Variants in WDR7 observed in about 807,000 individuals in gnomAD.
The protein encoded by WDR7 is WD repeat-containing protein 7.
A neutral mutation model predicts 169.4 loss-of-function variants in WDR7; 46 were observed. That is an observed-to-expected ratio of 0.27 (90% CI 0.21 to 0.35). The LOEUF is 0.35. WDR7 is among the 10% of genes least tolerant of loss of function. The pLI, the probability that WDR7 is intolerant of heterozygous loss-of-function variation, is 1.00. For synonymous variants in WDR7, 612 were observed against 666.8 expected (o/e 0.92, Z 1.27); for missense variants, 1,534 against 1,859.3 (o/e 0.83, Z 3.22).
chr18:56,911,090 G>A (rs2046545835), intron 21 of WDR7, among the ~76,000 whole-genome samples: 1 of 152,102 alleles, frequency 6.6e-6, no homozygotes, highest in African/African-American at 2.4e-5. Flanking sequence ...CCAGAATTCT[G>A]AGCGTGGGCT....
intron 22 of WDR7, among the ~76,000 whole-genome samples, chr18:56,928,744 A>G (rs1224246867): frequency 7.2e-5 from 11 of 152,192 alleles, no homozygotes; most frequent in African/African-American, 2.4e-5. Context: ...AATAGGCATT[A>G]TCATCCCCAC....
chr18:56,959,388 A>C (rs1424482929), intron 25 of WDR7, among the ~76,000 whole-genome samples: 1 of 152,198 alleles, frequency 6.6e-6, no homozygotes, highest in Non-Finnish European at 1.5e-5. Flanking sequence ...TGACCACCTC[A>C]GCTCCAGCAA....
chr18:56,959,509 G>A (rs927779293), intron 25 of WDR7, among the ~76,000 whole-genome samples: 1 of 152,140 alleles, frequency 6.6e-6, no homozygotes, highest in Non-Finnish European at 1.5e-5. Flanking sequence ...TAGCAGAGGA[G>A]AACTGTTGTT....
Position 56,696,403 on chromosome 18 carries a change from A to G in WDR7, c.1519A>G (p.Ile507Val), listed in dbSNP as rs1462865110. 6.2e-7 allele frequency: 1 copy of G among 1,614,166 alleles called. No homozygotes were observed. Among genetic ancestry groups the G allele is most frequent in the Middle Eastern group, 1.7e-4 (1 of 6,058 alleles). ...WDIFSGEMKH[I>V]FCVHGGEITQ... is the part of the protein sequence containing the mutation. ...CATATTTTCTGGAGAAATGAAACAT[A>G]TCTTCTGTGTTCATGGTGGTGAGAT... Residue 507 changes from isoleucine to valine, a missense_variant, in exon 12 of 28, where the codon ATC becomes GTC. Coordinates refer to ENST00000254442, the MANE Select transcript of WDR7 (RefSeq NM_015285.3).
chr18:56,997,786 A>C (rs1482010319), intron 26 of WDR7, among the ~76,000 whole-genome samples: 1 of 152,256 alleles, frequency 6.6e-6, no homozygotes, highest in Non-Finnish European at 1.5e-5. Flanking sequence ...ATAGCGGCCT[A>C]TAACAGTGGG....
At chr18:56,855,634 G>GT (rs1397525300) in intron 20 of WDR7, among the ~76,000 whole-genome samples, 1 of 151,838 alleles carries the variant, frequency 6.6e-6, no homozygotes, top group Non-Finnish European at 1.5e-5. Flanking sequence ...ACCCTGGGGG[G>GT]TTTTTGCTTA....
chr18:56,931,013 C>T (rs952777038), intron 22 of WDR7, among the ~76,000 whole-genome samples: 6 of 152,266 alleles, frequency 3.9e-5, no homozygotes, highest in Admixed American at 3.3e-4. Context: ...GCTCAGGCTG[C>T]GTGGACTATT....
intron 12 of WDR7, among the ~76,000 whole-genome samples, chr18:56,712,773 G>A (rs1376501894): frequency 6.6e-6 from 1 of 152,194 alleles, no homozygotes; most frequent in Non-Finnish European, 1.5e-5. Flanking sequence ...CATTCTTTAA[G>A]TCAGTTGATA....
rs560100676 is a variant in WDR7, at chr18:56,710,283, G to A, written c.1579-7681G>A. Among the ~76,000 whole-genome samples, 205 of 152,188 alleles carry A rather than the reference G, an allele frequency of 1.3e-3. 1 individual carries two copies. Among genetic ancestry groups the A allele is most frequent in the African/African-American group, 4.8e-3 (198 of 41,522 alleles). On this transcript the variant is annotated intron_variant, in intron 12 of 27. Transcript: ENST00000254442. ...CTCCCAAAGTGCTGGGATTACAGGCGTGAGCCACCGTGCCTGGCCAATTAA... is the reference window on the plus strand; with the variant it reads ...CTCCCAAAGTGCTGGGATTACAGGCATGAGCCACCGTGCCTGGCCAATTAA...
chr18:56,762,444 TC>T (rs1383960383), intron 16 of WDR7, among the ~76,000 whole-genome samples: 19 of 152,034 alleles, frequency 1.2e-4, no homozygotes, highest in Admixed American at 1.2e-3. Flanking sequence ...AATTCTGGGT[TC>T]AACTTATCTC....
At chr18:56,749,591 C>G (rs1250813484) in intron 14 of WDR7, among the ~76,000 whole-genome samples, 1 of 151,752 alleles carries the variant, frequency 6.6e-6, no homozygotes, top group Non-Finnish European at 1.5e-5. Context: ...ACAATAGGAA[C>G]CATTTGATAT....
chr18:56,883,167 G>A lies in WDR7; in HGVS notation c.3526+3002G>A, dbSNP rs182699069. Reference sequence around the variant, plus strand: ...GGAGCTTGCAGTGAGCCGAGGTGGCGCCACTGCCCTCCAGCCTGGGCGACA... The same window carrying A: ...GGAGCTTGCAGTGAGCCGAGGTGGCACCACTGCCCTCCAGCCTGGGCGACA... On this transcript the variant is annotated intron_variant, in intron 21 of 27. Coordinates refer to ENST00000254442, the MANE Select transcript of WDR7 (RefSeq NM_015285.3). Among the ~76,000 whole-genome samples, 1,041 of 145,130 alleles carry A rather than the reference G, an allele frequency of 7.2e-3. 17 individuals carry two copies. The highest frequency in any genetic ancestry group is 0.024 in the African/African-American group (951 of 38,886).
chr18:56,964,589 T>C (rs553021771), intron 26 of WDR7, among the ~76,000 whole-genome samples: 1 of 152,234 alleles, frequency 6.6e-6, no homozygotes, highest in East Asian at 1.9e-4. Flanking sequence ...GGTCTCATCA[T>C]GTTGGCCAGG....
At chr18:56,746,466 CT>C (rs2043704605) in intron 14 of WDR7, among the ~76,000 whole-genome samples, 1 of 152,122 alleles carries the variant, frequency 6.6e-6, no homozygotes, top group Non-Finnish European at 1.5e-5. Context: ...TGTAATGTTA[CT>C]TGGTTTTTAG....
the WDR7 span, chr18:57,035,395 T>A: frequency 6.6e-6 from 1 of 152,264 alleles, no homozygotes. Context: ...GCTGCCCTGA[T>A]GTTATAAGCT....
chr18:57,006,327 TTC>T (rs2145902056), intron 26 of WDR7, among the ~76,000 whole-genome samples: 1 of 152,204 alleles, frequency 6.6e-6, no homozygotes, highest in African/African-American at 2.4e-5. Context: ...TTTTTTTTTT[TTC>T]TTCAAGATTG....
In WDR7 at chr18:56,678,560, G is replaced by A. The variant is rs368394961; in HGVS notation, c.160-772G>A. On this transcript the variant is annotated intron_variant, in intron 2 of 27. Transcript: ENST00000254442. ...CCCCCAAGCTGGAGTGCAGTGGAGC[G>A]ATCTCGGCTCACTGCAACCTCTGCC... 5.7e-3 allele frequency among the ~76,000 whole-genome samples: 863 copies of A among 152,120 alleles called. 9 individuals are homozygous for A. The highest frequency in any genetic ancestry group is 0.019 in the African/African-American group (806 of 41,478).
intron 21 of WDR7, among the ~76,000 whole-genome samples, chr18:56,889,978 C>G (rs6566839): frequency 0.81 from 123,749 of 152,120 alleles, 50,777 homozygotes; most frequent in East Asian, 0.98. Flanking sequence ...CATGATCTAC[C>G]TGCCATTACA....
chr18:56,665,619 T>A (rs931200282), intron 1 of WDR7, among the ~76,000 whole-genome samples: 3 of 152,212 alleles, frequency 2.0e-5, no homozygotes, highest in Admixed American at 2.0e-4. Flanking sequence ...CTATCATAAT[T>A]TATTTAATCC....
Sources: allele counts gnomAD v4.1 joint callset (sites outside exome capture counted in the v4.1 genomes callset), GRCh38; gene constraint gnomAD v4.1.1; transcripts MANE v1.5; gene names NCBI Gene and HGNC (gene_info 2026-07-23, HGNC 2026-07-21).